SHANK2: variants seen among roughly 807,000 people sequenced by gnomAD.
SHANK2 encodes the protein SH3 and multiple ankyrin repeat domains 2.
SHANK2 carries 43 observed loss-of-function variants against 133.7 expected under a neutral mutation model. The ratio of observed to expected loss-of-function variants is 0.32; its 90% CI spans 0.25 to 0.41. The LOEUF is 0.41. Ranked by LOEUF, SHANK2 falls within the 10% of genes least tolerant of loss-of-function variation. The probability of loss-of-function intolerance (pLI) is 1.00; values close to 1 mark genes in which losing one functional copy is unlikely to be tolerated. For synonymous variants in SHANK2, 1,017 were observed against 952.8 expected (o/e 1.07, Z -1.24); for missense variants, 1,994 against 2,235.8 (o/e 0.89, Z 2.18).
chr11:70,907,889 G>A (rs1272427469), intron 10 of SHANK2: 3 of 454,202 alleles, frequency 6.6e-6, no homozygotes, highest in Non-Finnish European at 8.9e-6. Flanking sequence ...ATCACTTAAG[G>A]TCAAGAGTTC....
At chr11:70,679,687 G>A (rs1317258091) in intron 15 of SHANK2, among the ~76,000 whole-genome samples, 4 of 152,234 alleles carry the variant, frequency 2.6e-5, no homozygotes, top group African/African-American at 4.8e-5. Context: ...CTGACTATAC[G>A]CCCCAGGGCC....
intron 14 of SHANK2, 77 bp downstream of exon 14, chr11:70,798,366 G>A (rs1362346565): frequency 2.0e-5 from 14 of 703,856 alleles, no homozygotes; most frequent in Non-Finnish European, 3.7e-5. Context: ...GCCGAATCTT[G>A]CCACGGACAA....
intron 8 of SHANK2, among the ~76,000 whole-genome samples, chr11:71,089,326 G>C (rs1590898712): frequency 6.6e-6 from 1 of 152,168 alleles, no homozygotes; most frequent in Non-Finnish European, 1.5e-5. Context: ...CATGTCTCAG[G>C]GCGTGAGCGT....
At chr11:70,709,943 G>A (rs1031453343) in intron 14 of SHANK2, among the ~76,000 whole-genome samples, 1 of 152,114 alleles carries the variant, frequency 6.6e-6, no homozygotes, top group Non-Finnish European at 1.5e-5. Context: ...AGGGACGGAG[G>A]GGGACAGGTG....
At chr11:70,806,249 CA>C (rs797033940) in intron 13 of SHANK2, among the ~76,000 whole-genome samples, 98 of 152,320 alleles carry the variant, frequency 6.4e-4, no homozygotes, top group African/African-American at 2.3e-3. Context: ...GGGGCCCGGG[CA>C]TGCTGGCCAC....
At chr11:70,697,682 C>T (rs1359622583) in intron 15 of SHANK2, among the ~76,000 whole-genome samples, 3 of 152,176 alleles carry the variant, frequency 2.0e-5, no homozygotes, top group African/African-American at 7.2e-5. Context: ...AGGTTGGATC[C>T]CTCCACAGGC....
intron 14 of SHANK2, among the ~76,000 whole-genome samples, chr11:70,765,513 C>A (rs1947100093): frequency 6.6e-6 from 1 of 152,168 alleles, no homozygotes. Context: ...GCACCTGGAT[C>A]CAGCCAGGAC....
intron 10 of SHANK2, among the ~76,000 whole-genome samples, chr11:70,940,133 CCCT>C (rs1276255590): frequency 4.4e-5 from 5 of 112,904 alleles, no homozygotes; most frequent in African/African-American, 1.2e-4. Context: ...ACTTCTGAAC[CCCT>C]CAACTGGAAG....
intron 17 of SHANK2, among the ~76,000 whole-genome samples, chr11:70,554,556 C>A (rs868963998): frequency 6.6e-6 from 1 of 152,200 alleles, no homozygotes; most frequent in East Asian, 1.9e-4. Flanking sequence ...CTCCTCCCCC[C>A]TCCCCCAGGT....
At chr11:70,757,868 C>A (rs914863157) in intron 14 of SHANK2, among the ~76,000 whole-genome samples, 4 of 152,146 alleles carry the variant, frequency 2.6e-5, no homozygotes, top group Non-Finnish European at 4.4e-5. Context: ...ACAAATGACC[C>A]CAGACCAGGA....
chr11:71,148,092 T>G (rs1280628603), intron 2 of SHANK2, among the ~76,000 whole-genome samples: 1 of 151,900 alleles, frequency 6.6e-6, no homozygotes. Context: ...TTGTTTTTTT[T>G]TTTTTTTTTG....
At chr11:71,173,733 G>T (rs1025250582) in intron 2 of SHANK2, among the ~76,000 whole-genome samples, 25 of 152,208 alleles carry the variant, frequency 1.6e-4, no homozygotes, top group Non-Finnish European at 3.5e-4. Context: ...TAGTCAAGAT[G>T]AGATCATATA....
At chr11:71,200,214 T>C (rs1164382087) in intron 2 of SHANK2, among the ~76,000 whole-genome samples, 1 of 152,172 alleles carries the variant, frequency 6.6e-6, no homozygotes, top group Non-Finnish European at 1.5e-5. Context: ...TGGAGTCACA[T>C]CATACGTGGC....
intron 8 of SHANK2, among the ~76,000 whole-genome samples, chr11:71,080,802 G>A (rs934496801): frequency 8.7e-4 from 133 of 152,264 alleles, no homozygotes; most frequent in African/African-American, 3.1e-3. Flanking sequence ...CAGCTGCTCC[G>A]TGGCCCCGCA....
At chr11:71,138,979 G>A (rs12272719) in intron 3 of SHANK2, among the ~76,000 whole-genome samples, 2 of 152,036 alleles carry the variant, frequency 1.3e-5, no homozygotes, top group African/African-American at 4.8e-5. Context: ...TTGAGTGACT[G>A]TACAGGCGGG....
At chr11:70,682,307 C>T (rs1945046465) in intron 15 of SHANK2, among the ~76,000 whole-genome samples, 1 of 152,224 alleles carries the variant, frequency 6.6e-6, no homozygotes, top group East Asian at 1.9e-4. Flanking sequence ...GGAAGCTGGG[C>T]ACCAACAGAG....
rs565040907 is a variant in SHANK2 at position 70,671,818 on chromosome 11, G to C, written c.1854-10140C>G. 9.2e-5 allele frequency among the ~76,000 whole-genome samples: 14 copies of C among 152,230 alleles called. 1 individual carries two copies. The South Asian group carries it at 2.9e-3, about 32-fold the overall frequency. On this transcript the variant is annotated intron_variant, in intron 15 of 25. Coordinates refer to ENST00000601538, the MANE Select transcript of SHANK2 (RefSeq NM_012309.5). The stretch of plus-strand genomic sequence containing the variant: ...CAGGATGCCTCCCTGTGCTTCCAAA[G>C]CTGGCACGGACTCTGCGGTGCCAGG...
At chr11:70,507,908 C>T (rs782639394) in intron 17 of SHANK2, among the ~76,000 whole-genome samples, 18 of 152,328 alleles carry the variant, frequency 1.2e-4, no homozygotes, top group Admixed American at 3.3e-4. Context: ...GGGAGGAACC[C>T]GCAAGAGCGG....
rs1481998163 is a variant in SHANK2, at chr11:70,490,044, CT to C, written c.2551+231del. 46 of 475,880 alleles carry C rather than the reference CT, an allele frequency of 9.7e-5. 1 individual carries two copies. The East Asian group carries it at 1.6e-3, about 17-fold the overall frequency. The allele number at this position is 475,880 out of a possible 1,614,324, so 29.5% of individuals were successfully genotyped here. A position where few individuals can be genotyped will look rare whatever the true frequency, so the allele number is the denominator to read the frequency against. ...GGGCTTCAAGATGACAGAAGCCACC[CT>C]AGATTTTGTGTCCTTCAGGGGGGAT... On this transcript the variant is annotated intron_variant, in intron 23 of 25. Transcript: ENST00000601538.
Sources: gnomAD v4.1 joint callset for allele counts (sites outside exome capture counted in the v4.1 genomes callset) on GRCh38, gnomAD v4.1.1 for gene constraint, MANE v1.5 for transcripts, NCBI Gene and HGNC (gene_info 2026-07-23, HGNC 2026-07-21) for gene names.